CACNB2: variants seen among roughly 807,000 people sequenced by gnomAD.
The protein encoded by CACNB2 is voltage-dependent L-type calcium channel subunit beta-2.
In CACNB2, 42 loss-of-function variants were observed where a neutral mutation model predicts 73.3. That is an observed-to-expected ratio of 0.57 (90% confidence interval 0.45 to 0.74). CACNB2 has a LOEUF of 0.74. CACNB2 is among the 30% of genes least tolerant of loss of function. CACNB2 has a pLI of 0.00. For missense variants in CACNB2, 940 were observed against 853.0 expected, an observed-to-expected ratio of 1.10 and a Z score of -1.27; for synonymous variants, 348 against 310.3, an observed-to-expected ratio of 1.12 and a Z score of -1.28.
At chr10:18,165,476 G>T (rs187937768) in intron 2 of CACNB2, among the ~76,000 whole-genome samples, 2 of 152,214 alleles carry the variant, frequency 1.3e-5, no homozygotes, top group Non-Finnish European at 2.9e-5. Flanking sequence ...GCAAAGGCAC[G>T]ATCTCGGCTC....
intron 3 of CACNB2, among the ~76,000 whole-genome samples, chr10:18,477,711 A>C (rs3899908): frequency 6.6e-6 from 1 of 152,178 alleles, no homozygotes; most frequent in South Asian, 2.1e-4. Flanking sequence ...AATTCACATA[A>C]TGCAGGAGGA....
intron 1 of CACNB2, chr10:18,141,243 C>G (rs535775490): frequency 2.2e-6 from 3 of 1,389,048 alleles, no homozygotes; most frequent in African/African-American, 1.4e-5. Flanking sequence ...GGAGGGGGCC[C>G]GCTTCCCGCA....
chr10:18,205,009 C>T (rs2035032102), intron 2 of CACNB2, among the ~76,000 whole-genome samples: 2 of 148,932 alleles, frequency 1.3e-5, no homozygotes, highest in Non-Finnish European at 3.0e-5. Flanking sequence ...GGCTTTCATG[C>T]CCAAGACTCT....
At chr10:18,517,837 G>C (rs909739965) in intron 7 of CACNB2, among the ~76,000 whole-genome samples, 2 of 152,198 alleles carry the variant, frequency 1.3e-5, no homozygotes, top group African/African-American at 4.8e-5. Flanking sequence ...TTGGTAGTGA[G>C]AGTTATAATA....
chr10:18,329,504 G>GAAAAAAAAAAA (rs11413915), intron 2 of CACNB2, among the ~76,000 whole-genome samples: 7 of 112,506 alleles, frequency 6.2e-5, no homozygotes, highest in Non-Finnish European at 9.7e-5. Flanking sequence ...AGTAAAAAAA[G>GAAAAAAAAAAA]AAAAAAAAAA....
chr10:18,277,978 C>T (rs1461135843), intron 2 of CACNB2, among the ~76,000 whole-genome samples: 1 of 152,060 alleles, frequency 6.6e-6, no homozygotes, highest in African/African-American at 2.4e-5. Context: ...TATTTTGGCT[C>T]AAATCTTGGA....
At chr10:18,334,289 C>A (rs1192755842) in intron 2 of CACNB2, among the ~76,000 whole-genome samples, 1 of 152,130 alleles carries the variant, frequency 6.6e-6, no homozygotes, top group East Asian at 1.9e-4. Context: ...TGCAATCTGA[C>A]ACCCAGCTAC....
chr10:18,491,401 A>G (rs573285542), intron 3 of CACNB2, among the ~76,000 whole-genome samples: 2 of 152,298 alleles, frequency 1.3e-5, no homozygotes, highest in East Asian at 3.9e-4. Flanking sequence ...CTGGGCATCA[A>G]AGCGAGACCT....
chr10:18,293,528 A>G (rs1036759854), intron 2 of CACNB2, among the ~76,000 whole-genome samples: 1 of 152,250 alleles, frequency 6.6e-6, no homozygotes, highest in African/African-American at 2.4e-5. Context: ...CCATGAAAGC[A>G]AAACTTGAAA....
At chr10:18,185,792 C>G (rs1052269569) in intron 2 of CACNB2, among the ~76,000 whole-genome samples, 1 of 151,858 alleles carries the variant, frequency 6.6e-6, no homozygotes, top group Non-Finnish European at 1.5e-5. Context: ...TATTCTGTGC[C>G]TACCATGTGC....
At chr10:18,500,984 A>C in intron 5 of CACNB2, 36 bp downstream of exon 5, 1 of 1,591,472 alleles carries the variant, frequency 6.3e-7, no homozygotes, top group East Asian at 2.2e-5. Flanking sequence ...CATAAAACTT[A>C]GATTATACCA....
At chr10:18,538,505 A>T in intron 13 of CACNB2, 140 bp downstream of exon 13, 1 of 711,440 alleles carries the variant, frequency 1.4e-6, no homozygotes, top group South Asian at 1.7e-5. Flanking sequence ...GTCCAGCATG[A>T]GCTGTGTATG....
chr10:18,449,909 G>A (rs919755894), intron 3 of CACNB2, among the ~76,000 whole-genome samples: 1 of 152,230 alleles, frequency 6.6e-6, no homozygotes, highest in Non-Finnish European at 1.5e-5. Context: ...TTGAGAACAA[G>A]AGGTAGGATG....
chr10:18,511,659 TCTC>T (rs1328583387), intron 6 of CACNB2, among the ~76,000 whole-genome samples: 1 of 152,212 alleles, frequency 6.6e-6, no homozygotes, highest in Admixed American at 6.5e-5. Flanking sequence ...TTTTTTTTCT[TCTC>T]CTTGACTGAT....
intron 2 of CACNB2, among the ~76,000 whole-genome samples, chr10:18,360,764 C>T (rs2042109533): frequency 6.6e-6 from 1 of 152,168 alleles, no homozygotes; most frequent in African/African-American, 2.4e-5. Flanking sequence ...TATTCCCCTG[C>T]ATCTGGGGTG....
At chr10:18,351,434 A>G (rs2041702743) in intron 2 of CACNB2, among the ~76,000 whole-genome samples, 1 of 152,198 alleles carries the variant, frequency 6.6e-6, no homozygotes, top group Non-Finnish European at 1.5e-5. Flanking sequence ...TACAATGATT[A>G]CTGTCTCTTT....
intron 2 of CACNB2, among the ~76,000 whole-genome samples, chr10:18,299,187 C>A (rs1000477787): frequency 6.6e-6 from 1 of 151,826 alleles, no homozygotes; most frequent in Non-Finnish European, 1.5e-5. Context: ...AAACTAGGAG[C>A]ACCAGAAGTC....
intron 3 of CACNB2, among the ~76,000 whole-genome samples, chr10:18,472,827 C>G (rs1014725064): frequency 2.0e-5 from 3 of 152,106 alleles, no homozygotes; most frequent in African/African-American, 4.8e-5. Flanking sequence ...TTCTTTATAC[C>G]TTGCTTCAAA....
intron 2 of CACNB2, among the ~76,000 whole-genome samples, chr10:18,283,077 T>C (rs991995887): frequency 2.0e-5 from 3 of 152,160 alleles, no homozygotes; most frequent in Admixed American, 6.5e-5. Flanking sequence ...AAAATGCTCA[T>C]CATCACTGGC....
Sources: gnomAD v4.1 joint callset for allele counts (sites outside exome capture counted in the v4.1 genomes callset) on GRCh38, gnomAD v4.1.1 for gene constraint, MANE v1.5 for transcripts, NCBI Gene and HGNC (gene_info 2026-07-23, HGNC 2026-07-21) for gene names.